The following GPHN variants were observed in gnomAD, a reference collection of about 807,000 sequenced individuals.
GPHN encodes the protein gephyrin.
In GPHN, 17 loss-of-function variants were observed where a neutral mutation model predicts 95.5. The observed-to-expected ratio is 0.18, with a 90% CI of 0.12 to 0.27. The LOEUF (loss-of-function observed/expected upper bound fraction) is 0.27, where lower values mean the gene tolerates loss of function less well. Among genes scored for constraint, GPHN ranks in the 10% least tolerant of loss-of-function variants. The pLI is 1.00. For synonymous variants in GPHN, 320 were observed against 322.5 expected, an observed-to-expected ratio of 0.99 and a Z score of 0.08; for missense variants, 660 against 978.1, an observed-to-expected ratio of 0.67 and a Z score of 4.34.
At chr14:67,648,494 TAAG>T in the GPHN span, 18 of 203,764 alleles carry the variant, frequency 8.8e-5, no homozygotes, top group South Asian at 1.7e-3. Context: ...CAGATTAAGA[TAAG>T]AAGGCAAGAT....
chr14:67,405,874 A>G, the GPHN span, among the ~76,000 whole-genome samples: 1 of 152,198 alleles, frequency 6.6e-6, no homozygotes, highest in South Asian at 2.1e-4. Context: ...TCTTGGCTGC[A>G]GCCTCACGAG....
At chr14:66,542,359 C>A (rs183495738) in intron 1 of GPHN, among the ~76,000 whole-genome samples, 19 of 152,280 alleles carry the variant, frequency 1.2e-4, no homozygotes, top group Admixed American at 1.2e-3. Flanking sequence ...GACCTTCCAA[C>A]ATCTCATCCT....
intron 13 of GPHN, among the ~76,000 whole-genome samples, chr14:67,101,547 C>A (rs1211168849): frequency 3.3e-5 from 5 of 151,454 alleles, no homozygotes; most frequent in African/African-American, 9.6e-5. Context: ...GAACCAAGGT[C>A]TTCCTTTTAA....
chr14:66,620,063 G>A (rs61119985), intron 1 of GPHN, among the ~76,000 whole-genome samples: 55 of 152,230 alleles, frequency 3.6e-4, no homozygotes, highest in African/African-American at 1.3e-3. Flanking sequence ...TGCCCTACCT[G>A]TTAATGAATG....
At chr14:66,637,249 C>G (rs72726434) in intron 1 of GPHN, among the ~76,000 whole-genome samples, 8,822 of 152,130 alleles carry the variant, frequency 0.058, 356 homozygotes, top group Middle Eastern at 0.096. Context: ...TAATGATATG[C>G]CTTTGCACTT....
At chr14:67,056,340 C>T (rs182090615) in intron 10 of GPHN, among the ~76,000 whole-genome samples, 274 of 151,610 alleles carry the variant, frequency 1.8e-3, no homozygotes, top group African/African-American at 6.3e-3. Context: ...AGACACAGAG[C>T]ACTGATTGGT....
chr14:66,616,865 G>A (rs539337669), intron 1 of GPHN, among the ~76,000 whole-genome samples: 6 of 152,156 alleles, frequency 3.9e-5, no homozygotes, highest in Admixed American at 6.5e-5. Flanking sequence ...GTGCCACCAC[G>A]CCCAGCTAAT....
chr14:66,656,531 A>G (rs1347643264), intron 1 of GPHN, among the ~76,000 whole-genome samples: 2 of 152,040 alleles, frequency 1.3e-5, no homozygotes, highest in South Asian at 2.1e-4. Flanking sequence ...TGCTTTTTAC[A>G]TATCAAAGGT....
intron 1 of GPHN, among the ~76,000 whole-genome samples, chr14:66,545,139 T>A (rs1255229900): frequency 6.8e-6 from 1 of 146,398 alleles, no homozygotes; most frequent in East Asian, 2.1e-4. Flanking sequence ...GGCTCCTCAC[T>A]TCCCAGTAGG....
the GPHN span, among the ~76,000 whole-genome samples, chr14:67,623,991 C>A: frequency 6.6e-6 from 1 of 152,106 alleles, no homozygotes; most frequent in Admixed American, 6.6e-5. Flanking sequence ...CAGACACATG[C>A]CAGTATGCCT....
At chr14:66,935,741 T>C (rs1596431694) in intron 8 of GPHN, among the ~76,000 whole-genome samples, 1 of 151,904 alleles carries the variant, frequency 6.6e-6, no homozygotes, top group East Asian at 1.9e-4. Context: ...TGTGTTTATG[T>C]ATACATATAT....
chr14:67,725,328 T>C, the GPHN span: 2 of 1,474,020 alleles, frequency 1.4e-6, no homozygotes, highest in East Asian at 2.3e-5. Flanking sequence ...AGACCATCTA[T>C]GGCCCTTACA....
intron 6 of GPHN, among the ~76,000 whole-genome samples, chr14:66,921,615 T>G (rs1404397547): frequency 6.6e-6 from 1 of 152,128 alleles, no homozygotes; most frequent in African/African-American, 2.4e-5. Flanking sequence ...GAATCAATAA[T>G]GTGAAAATGA....
chr14:66,512,519 AT>A (rs1417343084), intron 1 of GPHN, among the ~76,000 whole-genome samples: 1 of 151,814 alleles, frequency 6.6e-6, no homozygotes, highest in Non-Finnish European at 1.5e-5. Flanking sequence ...AAAGGTACAA[AT>A]TTTTGGGAAA....
the GPHN span, among the ~76,000 whole-genome samples, chr14:67,670,086 G>A: frequency 6.6e-6 from 1 of 152,182 alleles, no homozygotes; most frequent in African/African-American, 2.4e-5. Context: ...CGGGAGACAG[G>A]AGTGAGAACC....
At chr14:66,996,139 T>C (rs1481303388) in intron 9 of GPHN, 11 of 1,468,372 alleles carry the variant, frequency 7.5e-6, no homozygotes, top group African/African-American at 1.4e-5. Context: ...TATCCTTTCC[T>C]CTTTAACAGT....
chr14:66,559,778 C>T (rs1184638669), intron 1 of GPHN, among the ~76,000 whole-genome samples: 1 of 151,726 alleles, frequency 6.6e-6, no homozygotes, highest in East Asian at 1.9e-4. Flanking sequence ...CTTTTGTTGC[C>T]ATTGCTTTTG....
At chr14:67,448,120 C>CTTT in the GPHN span, among the ~76,000 whole-genome samples, 28 of 36,078 alleles carry the variant, frequency 7.8e-4, 10 homozygotes, top group East Asian at 4.7e-3. Flanking sequence ...ATAGCCCATT[C>CTTT]TTTTTTTTTT....
chr14:67,320,358 A>G, the GPHN span: 1 of 1,611,712 alleles, frequency 6.2e-7, no homozygotes, highest in Non-Finnish European at 8.5e-7. Context: ...TCAGAGGCTC[A>G]TGAACAAAGA....
Sources: allele counts gnomAD v4.1 joint callset (sites outside exome capture counted in the v4.1 genomes callset), GRCh38; gene constraint gnomAD v4.1.1; transcripts MANE v1.5; gene names NCBI Gene and HGNC (gene_info 2026-07-23, HGNC 2026-07-21).